Variants in TFB2M observed in about 807,000 individuals in gnomAD.
TFB2M encodes the protein dimethyladenosine transferase 2, mitochondrial.
Under a neutral mutation model 41.3 loss-of-function variants are expected in TFB2M, and 44 were observed. That is an observed-to-expected ratio of 1.07 (90% CI 0.84 to 1.37). TFB2M has a LOEUF of 1.37. Ranked by LOEUF, TFB2M falls within the 40% of genes most tolerant of loss-of-function variation. The pLI is 0.00. For missense variants in TFB2M, 496 were observed against 490.2 expected, an observed-to-expected ratio of 1.01 and a Z score of -0.11; for synonymous variants, 188 against 176.8, an observed-to-expected ratio of 1.06 and a Z score of -0.50.
intron 6 of TFB2M, among the ~76,000 whole-genome samples, chr1:246,545,103 G>GC (rs1205062243): frequency 6.6e-6 from 1 of 151,782 alleles, no homozygotes; most frequent in Non-Finnish European, 1.5e-5. Context: ...ACCGTGCCCG[G>GC]CCCACATTTT....
chr1:246,562,239 T>C (rs1474251732), intron 2 of TFB2M, among the ~76,000 whole-genome samples: 4 of 152,152 alleles, frequency 2.6e-5, no homozygotes, highest in South Asian at 2.1e-4. Flanking sequence ...AAAGTTGGCA[T>C]AGAGAAATAT....
chr1:246,556,541 GAACA>G, intron 4 of TFB2M, 28 bp downstream of exon 4: 2 of 1,418,840 alleles, frequency 1.4e-6, no homozygotes, highest in Non-Finnish European at 1.9e-6. Flanking sequence ...TACAGACTCA[GAACA>G]AAAAATAGGT....
rs1407479269 is a variant in TFB2M at position 246,566,177 on chromosome 1, G to A, written c.-39C>T. The stretch of plus-strand genomic sequence containing the variant: ...AGGCCCGCTCCAAGAATCACCTAGT[G>A]CAGCTACTACAGTGAACCCCACGCA... On this transcript the variant is annotated 5_prime_UTR_variant, in exon 1 of 8. Transcript: ENST00000366514. 6.3e-7 allele frequency: 1 copy of A among 1,581,992 alleles called. No individual in the cohort carries two copies. The highest frequency in any genetic ancestry group is 1.4e-5 in the African/African-American group (1 of 73,974).
At chr1:246,561,620 A>C (rs988148718) in intron 2 of TFB2M, among the ~76,000 whole-genome samples, 1 of 152,114 alleles carries the variant, frequency 6.6e-6, no homozygotes, top group African/African-American at 2.4e-5. Flanking sequence ...GGCATGAACC[A>C]CCATGCCCAG....
chr1:246,555,611 AC>A (rs1659299874), intron 4 of TFB2M, among the ~76,000 whole-genome samples: 3 of 152,060 alleles, frequency 2.0e-5, no homozygotes, highest in Admixed American at 2.0e-4. Flanking sequence ...CAAAAAACCC[AC>A]AAAAAACTAA....
chr1:246,560,938 C>T (rs1364399348), intron 2 of TFB2M, among the ~76,000 whole-genome samples: 2 of 152,104 alleles, frequency 1.3e-5, no homozygotes, highest in Non-Finnish European at 2.9e-5. Context: ...ATGGTAAAAC[C>T]ACGTCTCTAC....
chr1:246,544,969 C>T (rs532350200), intron 6 of TFB2M, among the ~76,000 whole-genome samples: 28 of 152,186 alleles, frequency 1.8e-4, no homozygotes, highest in East Asian at 7.8e-4. Flanking sequence ...CCACGCCTGG[C>T]TAATTTTTTG....
At chr1:246,558,788 C>T (rs1004102149) in intron 2 of TFB2M, among the ~76,000 whole-genome samples, 3 of 152,174 alleles carry the variant, frequency 2.0e-5, no homozygotes, top group African/African-American at 7.2e-5. Flanking sequence ...CAACTATACA[C>T]CTTGTTTGCT....
Position 246,544,607 on chromosome 1 carries a change from G to C in TFB2M, c.933C>G (p.Asn311Lys). The C allele has an allele frequency of 6.2e-7, 1 of 1,610,700 alleles. No individual in the cohort carries two copies. Among genetic ancestry groups the C allele is most frequent in the South Asian group, 1.1e-5 (1 of 89,864 alleles). ...MIPRQNLFTK[N>K]LTPMNYNIFF... is the part of the protein sequence containing the mutation. ...ATATATTATAGTTCATAGGTGTTAA[G>C]TTCTTGGTAAATAAATTTTGACGAG... The change falls in exon 7 of 8, where the codon AAC becomes AAG. Residue 311 changes from asparagine (N) to lysine (K), a missense_variant. Physicochemically the swap from Asn to Lys is moderately conservative, Grantham distance 94 (BLOSUM62 0). Coordinates refer to ENST00000366514, the MANE Select transcript of TFB2M (RefSeq NM_022366.3).
At chr1:246,557,836 GT>G (rs1480212974) in intron 2 of TFB2M, among the ~76,000 whole-genome samples, 1 of 151,898 alleles carries the variant, frequency 6.6e-6, no homozygotes, top group Non-Finnish European at 1.5e-5. Context: ...CACCCAGCCA[GT>G]TTTTTGTATT....
intron 2 of TFB2M, among the ~76,000 whole-genome samples, chr1:246,560,342 C>A (rs1030960615): frequency 6.6e-6 from 1 of 152,098 alleles, no homozygotes; most frequent in African/African-American, 2.4e-5. Context: ...GACAACATGA[C>A]AAAACCCTGT....
intron 4 of TFB2M, among the ~76,000 whole-genome samples, chr1:246,554,110 A>C (rs763797408): frequency 3.3e-5 from 5 of 152,226 alleles, no homozygotes; most frequent in African/African-American, 4.8e-5. Context: ...GTCTTTCCAC[A>C]AACGGTGCTG....
chr1:246,557,501 C>G lies in TFB2M; in HGVS notation c.436G>C (p.Val146Leu). 1 of 1,608,980 alleles carries G rather than the reference C, an allele frequency of 6.2e-7. No homozygotes were observed. Among genetic ancestry groups the G allele is most frequent in the East Asian group, 2.2e-5 (1 of 44,722 alleles). The change falls in exon 3 of 8, where the codon GTG (valine) becomes CTG (leucine). Residue 146 changes from valine (V) to leucine (L), a missense_variant. Physicochemically the swap from Val to Leu is conservative, Grantham distance 32. Coordinates refer to ENST00000366514, the MANE Select transcript of TFB2M (RefSeq NM_022366.3). ...AGTTTAAAGAAGTCACAGTGAATCA[C>G]TCGTAGTTTTCCATCCAGATTTTTT... ...LGKNLDGKLR[V>L]IHCDFFKLDP...
intron 6 of TFB2M, among the ~76,000 whole-genome samples, chr1:246,545,001 T>G (rs947350583): frequency 1.3e-4 from 19 of 151,786 alleles, no homozygotes; most frequent in Non-Finnish European, 2.5e-4. Context: ...GAGATGGGGT[T>G]TCACCGTGTT....
chr1:246,556,727 A>G lies in TFB2M; in HGVS notation c.557-6T>C, dbSNP rs1659332710. 6.5e-7 allele frequency: 1 copy of G among 1,549,458 alleles called. No individual in the cohort carries two copies. Among genetic ancestry groups the G allele is most frequent in the Non-Finnish European group, 8.6e-7 (1 of 1,159,662 alleles). On this transcript the variant is annotated splice_polypyrimidine_tract_variant and splice_region_variant and intron_variant, in intron 3 of 7. Coordinates refer to ENST00000366514, the MANE Select transcript of TFB2M (RefSeq NM_022366.3). ...AACTACTTTTAAAGGGATGTCTGTT[A>G]GGAATATAAGCAAAAAGATTTGAAT...
chr1:246,564,421 C>A lies in TFB2M; in HGVS notation c.327G>T (p.Leu109=). 6.2e-7 allele frequency: 1 copy of A among 1,614,100 alleles called. No homozygotes were observed. Among genetic ancestry groups the A allele is most frequent in the Non-Finnish European group, 8.5e-7 (1 of 1,179,984 alleles). The change falls in exon 2 of 8, where the codon CTG becomes CTT. Residue 109 remains leucine (L), a synonymous_variant. Transcript: ENST00000366514. ...CACCAGCTTCAAGTAATGCCTGAGT[C>A]AGGATTCCAGGACCTGGCACATTAA... ...LLECNPGPGI[L]TQALLEAGAK...
Position 246,566,097 on chromosome 1 carries a change from G to A in TFB2M, c.42C>T (p.Leu14=). Residue 14 remains leucine, a synonymous_variant, in exon 1 of 8, where the codon CTC becomes CTT. Transcript: ENST00000366514. ...AGCGACCAGCGCCCGCCAAGGCGGA[G>A]AGCCTCAGCCGCCGAGGAAGCCCGA... is the stretch of plus-strand genomic sequence containing the variant. ...PVVGLPRRLR[L]SALAGAGRFC... is the part of the protein sequence containing the mutation. The A allele has an allele frequency of 1.2e-6, 2 of 1,612,100 alleles. No homozygotes were observed. The highest frequency in any genetic ancestry group is 1.7e-6 in the Non-Finnish European group (2 of 1,178,506).
rs200512361 is a variant in TFB2M, at chr1:246,541,200, G to T, written c.1022C>A (p.Ser341Ter). The T allele has an allele frequency of 3.7e-6, 6 of 1,612,812 alleles. No individual in the cohort carries two copies. Among genetic ancestry groups the T allele is most frequent in the Non-Finnish European group, 5.1e-6 (6 of 1,179,520 alleles). Residue 341 changes from serine to a stop codon, truncating the protein, a stop_gained and splice_region_variant, in exon 8 of 8, where the codon TCA becomes TAA. Transcript: ENST00000366514. LOFTEE classifies it low-confidence loss of function (END_TRUNC). ...RSATVIDHLR[S>*]LTPLDARDIL... is the part of the protein sequence containing the mutation. Reference sequence around the variant, plus strand: ...ATCTCTCGCATCAAGTGGAGTCAATGAACTGCAAAAGAAATACAAAGTAAA... The same window carrying T: ...ATCTCTCGCATCAAGTGGAGTCAATTAACTGCAAAAGAAATACAAAGTAAA...
At chr1:246,557,661 GTTTT>G (rs990898420) in intron 2 of TFB2M, 127 bp from the exon 3 acceptor site, 3 of 838,052 alleles carry the variant, frequency 3.6e-6, no homozygotes, top group Non-Finnish European at 5.2e-6. Context: ...ATTACCTGGG[GTTTT>G]TTTGTTTTGT....
Sources: allele counts gnomAD v4.1 joint callset (sites outside exome capture counted in the v4.1 genomes callset), GRCh38; gene constraint gnomAD v4.1.1; transcripts MANE v1.5; gene names NCBI Gene and HGNC (gene_info 2026-07-23, HGNC 2026-07-21).